The following MAPT variants were observed in gnomAD, a reference collection of about 807,000 sequenced individuals.
MAPT encodes microtubule associated protein tau.
A neutral mutation model predicts 67.9 loss-of-function variants in MAPT; 34 were observed. That is an observed-to-expected ratio of 0.50 (90% CI 0.38 to 0.67). The LOEUF (loss-of-function observed/expected upper bound fraction) is 0.67, where lower values mean the gene tolerates loss of function less well. Among genes scored for constraint, MAPT ranks in the 30% least tolerant of loss-of-function variants. MAPT has a pLI of 0.00. For synonymous variants in MAPT, 456 were observed against 464.5 expected, an observed-to-expected ratio of 0.98 and a Z score of 0.23; for missense variants, 881 against 1,115.2, an observed-to-expected ratio of 0.79 and a Z score of 2.99.
chr17:45,901,536 A>G (rs1001312582), intron 1 of MAPT, among the ~76,000 whole-genome samples: 1 of 152,258 alleles, frequency 6.6e-6, no homozygotes, highest in South Asian at 2.1e-4. Context: ...ACTGAATCTT[A>G]GGAATTCCAT....
At chr17:45,927,851 G>A (rs1252491594) in intron 1 of MAPT, among the ~76,000 whole-genome samples, 1 of 151,528 alleles carries the variant, frequency 6.6e-6, no homozygotes, top group African/African-American at 2.4e-5. Flanking sequence ...ATACAAAAAA[G>A]TAGCCGGGAG....
At chr17:45,920,118 T>C (rs926580689) in intron 1 of MAPT, among the ~76,000 whole-genome samples, 1 of 152,254 alleles carries the variant, frequency 6.6e-6, no homozygotes, top group Non-Finnish European at 1.5e-5. Flanking sequence ...CTTCCTGGGC[T>C]CTGTCCACAG....
chr17:45,960,017 G>A (rs2070210181), intron 1 of MAPT, among the ~76,000 whole-genome samples: 1 of 152,164 alleles, frequency 6.6e-6, no homozygotes, highest in African/African-American at 2.4e-5. Flanking sequence ...TAGCATAATT[G>A]CAACTATATT....
chr17:46,012,713 C>T (rs549338275), intron 10 of MAPT, among the ~76,000 whole-genome samples: 2 of 152,188 alleles, frequency 1.3e-5, no homozygotes, highest in African/African-American at 4.8e-5. Context: ...CACTGCCATC[C>T]ACTCCTCTCC....
At chr17:46,014,801 A>G (rs914983557) in intron 11 of MAPT, among the ~76,000 whole-genome samples, 46 of 151,804 alleles carry the variant, frequency 3.0e-4, no homozygotes, top group Middle Eastern at 3.4e-3. Flanking sequence ...GTGAACCCGG[A>G]AGGCGGAGCT....
chr17:46,017,710 C>T (rs558926312), intron 11 of MAPT, among the ~76,000 whole-genome samples: 122 of 149,632 alleles, frequency 8.2e-4, no homozygotes, highest in African/African-American at 2.6e-3. Flanking sequence ...CCACCTGCCT[C>T]GGCCTCCCAA....
At chr17:45,990,348 TC>T (rs1182514308) in intron 7 of MAPT, among the ~76,000 whole-genome samples, 1 of 152,144 alleles carries the variant, frequency 6.6e-6, no homozygotes, top group Non-Finnish European at 1.5e-5. Context: ...GCACGGTGGC[TC>T]ACACCTGTAA....
At chr17:45,900,322 C>A (rs970583887) in intron 1 of MAPT, among the ~76,000 whole-genome samples, 3 of 152,226 alleles carry the variant, frequency 2.0e-5, no homozygotes, top group African/African-American at 7.2e-5. Flanking sequence ...GCTCCTGCCA[C>A]CTCTGCCAGG....
At chr17:45,911,855 T>C (rs62056839) in intron 1 of MAPT, among the ~76,000 whole-genome samples, 21,828 of 152,282 alleles carry the variant, frequency 0.14, 2,137 homozygotes, top group Middle Eastern at 0.22. Context: ...TATTTATTTG[T>C]TCATCTTTCC....
chr17:45,933,242 T>C (rs2067009248), intron 1 of MAPT, among the ~76,000 whole-genome samples: 1 of 112,078 alleles, frequency 8.9e-6, no homozygotes, highest in Non-Finnish European at 1.9e-5. Context: ...ACTCTCTCTC[T>C]CCCTTTTTTT....
At position 45,972,159 on chromosome 17, in the gene MAPT, G is replaced by C. The variant is rs2071759847; in HGVS notation, c.220+214G>C. 4 of 689,710 alleles carry C rather than the reference G, an allele frequency of 5.8e-6. No homozygotes were observed. The South Asian group carries it at 6.0e-5, about 10-fold the overall frequency. The allele number at this position is 689,710 out of a possible 1,614,324, so 42.7% of individuals were successfully genotyped here. ...GCACCTTCATCCCGTGTGTGCTCTG[G>C]AGGCAGCCACCCTTGGACAGTCCCG... On this transcript the variant is annotated intron_variant, in intron 3 of 12. Transcript: ENST00000262410.
rs926410566 is a variant in MAPT at position 45,996,322 on chromosome 17, C to T, written c.1733-77C>T. The T allele has an allele frequency of 1.8e-5, 27 of 1,529,412 alleles. No individual in the cohort carries two copies. The highest frequency in any genetic ancestry group is 5.0e-5 in the Admixed American group (3 of 59,690). 94.7% of individuals were successfully genotyped at this position (1,529,412 alleles called of 1,614,324 possible). ...AGTGGTGAGCCTGGGAATGGACCCA[C>T]GGGACAGGCAGCCCCCAGGGCCTTT... On this transcript the variant is annotated intron_variant, in intron 8 of 12. Coordinates refer to ENST00000262410, the MANE Select transcript of MAPT (RefSeq NM_001377265.1). The surrounding 1 kb of genome is among the most constrained non-coding windows in gnomAD (Gnocchi z 4.5).
intron 1 of MAPT, among the ~76,000 whole-genome samples, chr17:45,955,569 G>A (rs2145185758): frequency 6.6e-6 from 1 of 152,324 alleles, no homozygotes; most frequent in Admixed American, 6.5e-5. Context: ...CATCGCCACA[G>A]ACTTGGTGAT....
intron 1 of MAPT, among the ~76,000 whole-genome samples, chr17:45,920,226 G>A (rs1003665815): frequency 4.6e-5 from 7 of 152,260 alleles, no homozygotes; most frequent in African/African-American, 1.2e-4. Flanking sequence ...GGTTTCCCCC[G>A]AGCCCTCTGT....
intron 11 of MAPT, among the ~76,000 whole-genome samples, chr17:46,016,758 G>A (rs2076208239): frequency 6.7e-6 from 1 of 150,042 alleles, no homozygotes; most frequent in Admixed American, 6.7e-5. Flanking sequence ...GTGACAGAGT[G>A]AGACTCAGCA....
At chr17:45,945,605 G>C (rs1233972194) in intron 1 of MAPT, among the ~76,000 whole-genome samples, 1 of 152,142 alleles carries the variant, frequency 6.6e-6, no homozygotes, top group African/African-American at 2.4e-5. Flanking sequence ...TTGAGATCAG[G>C]AGTTCGAGAC....
At position 46,018,648 on chromosome 17, in the gene MAPT, A is replaced by C; in HGVS notation, c.2204A>C (p.Lys735Thr). ...GGGQVEVKSE[K>T]LDFKDRVQSK... ...GGCCAGGTGGAAGTAAAATCTGAGA[A>C]GCTTGACTTCAAGGACAGAGTCCAG... The change falls in exon 12 of 13, where the codon AAG becomes ACG. Residue 735 changes from lysine (K) to threonine (T), a missense_variant. By Grantham distance (78) the Lys-to-Thr change is moderately conservative. This residue lies in a region of MAPT where 79 missense variants were observed against 150.9 expected (regional missense o/e 0.52). Coordinates refer to ENST00000262410, the MANE Select transcript of MAPT (RefSeq NM_001377265.1). 1.9e-6 allele frequency: 3 copies of C among 1,614,154 alleles called. No individual in the cohort carries two copies. In the African/African-American group the frequency reaches 4.0e-5, roughly 22 times the overall value.
chr17:45,955,371 G>A (rs928731164), intron 1 of MAPT, among the ~76,000 whole-genome samples: 7 of 152,240 alleles, frequency 4.6e-5, no homozygotes, highest in African/African-American at 1.7e-4. Context: ...CCTTTTCACT[G>A]CATGCTTGGA....
At chr17:45,984,891 T>C (rs2073382743) in intron 5 of MAPT, among the ~76,000 whole-genome samples, 1 of 152,198 alleles carries the variant, frequency 6.6e-6, no homozygotes, top group Non-Finnish European at 1.5e-5. Context: ...TTCACAGTTA[T>C]TTGCAGAGCC....
Sources: allele counts gnomAD v4.1 joint callset (sites outside exome capture counted in the v4.1 genomes callset), GRCh38; gene constraint gnomAD v4.1.1; regional missense constraint gnomAD v4.1.1; non-coding constraint Gnocchi (gnomAD v3.1); transcripts MANE v1.5; gene names NCBI Gene and HGNC (gene_info 2026-07-23, HGNC 2026-07-21).